Variants in GRID2IP observed in about 807,000 individuals in gnomAD.
The protein encoded by GRID2IP is delphilin.
In GRID2IP, 78 loss-of-function variants were observed where a neutral mutation model predicts 114.3. The ratio of observed to expected loss-of-function variants is 0.68; its 90% confidence interval spans 0.57 to 0.82. The LOEUF is 0.82. Among genes scored for constraint, GRID2IP ranks in the 40% least tolerant of loss-of-function variants. The pLI, the probability that GRID2IP is intolerant of heterozygous loss-of-function variation, is 0.00. For missense variants in GRID2IP, 1,727 were observed against 1,678.5 expected (o/e 1.03, Z -0.51); for synonymous variants, 809 against 724.0 (o/e 1.12, Z -1.89).
At position 6,539,710 on chromosome 7, in the gene GRID2IP, C is replaced by G. The variant is rs748297080; in HGVS notation, c.584+8G>C. 6.5e-7 allele frequency: 1 copy of G among 1,543,118 alleles called. No homozygotes were observed. The highest frequency in any genetic ancestry group is 1.4e-5 in the African/African-American group (1 of 72,914). ...CTGCCTGTCTATCCTGCCCCCTGCC[C>G]GCAGTACCTGAGGTTGTCCAGGAGT... On this transcript the variant is annotated splice_region_variant and intron_variant, in intron 2 of 21. Coordinates refer to ENST00000457091, the MANE Select transcript of GRID2IP (RefSeq NM_001145118.2).
At chr7:6,531,060 G>C in intron 2 of GRID2IP, 1 of 639,876 alleles carries the variant, frequency 1.6e-6, no homozygotes, top group South Asian at 1.7e-5. Flanking sequence ...ACGCGATGGG[G>C]AAGCTACCGA....
At position 6,505,911 on chromosome 7, in the gene GRID2IP, C is replaced by CG. The variant is rs1786569044; in HGVS notation, c.2545-5dup. 1.3e-6 allele frequency: 2 copies of CG among 1,548,428 alleles called. No homozygotes were observed. Among genetic ancestry groups the CG allele is most frequent in the African/African-American group, 2.7e-5 (2 of 72,976 alleles). Reference sequence around the variant, plus strand: ...CGTAGTCAGAGTCTTCCCCGAGCTGCGAGGGAGGATGGGAGGTTCAGAGTA... The same window carrying CG: ...CGTAGTCAGAGTCTTCCCCGAGCTGCGGAGGGAGGATGGGAGGTTCAGAGTA... On this transcript the variant is annotated splice_polypyrimidine_tract_variant and splice_region_variant and intron_variant, in intron 13 of 21. Transcript: ENST00000457091.
intron 7 of GRID2IP, among the ~76,000 whole-genome samples, chr7:6,514,811 G>T (rs913542662): frequency 2.0e-5 from 3 of 152,030 alleles, no homozygotes; most frequent in African/African-American, 7.2e-5. Flanking sequence ...AATTAGTCAG[G>T]TGTGGTGGTG....
intron 2 of GRID2IP, among the ~76,000 whole-genome samples, chr7:6,530,105 C>T (rs1485620288): frequency 6.7e-6 from 1 of 150,308 alleles, no homozygotes; most frequent in East Asian, 2.0e-4. Flanking sequence ...ACTACAGGCG[C>T]ATGCCTTCAC....
chr7:6,526,441 C>G lies in GRID2IP; in HGVS notation c.833+80G>C. ...GCACCCCAGATGCCCAGCCCCGCCC[C>G]TACGCCCTCTCCCCGGGTCTCGGTC... On this transcript the variant is annotated intron_variant, in intron 3 of 21. Coordinates refer to ENST00000457091, the MANE Select transcript of GRID2IP (RefSeq NM_001145118.2). This position sits in a 1 kb window ranked among gnomAD's most constrained non-coding sequence, Gnocchi z 7.6. 2 of 1,486,740 alleles carry G rather than the reference C, an allele frequency of 1.3e-6. No individual in the cohort carries two copies. The highest frequency in any genetic ancestry group is 1.8e-6 in the Non-Finnish European group (2 of 1,116,210). 92.1% of individuals were successfully genotyped at this position (1,486,740 alleles called of 1,614,324 possible).
rs1786455862 is a variant in GRID2IP, at chr7:6,502,842, C to T, written c.3094G>A (p.Asp1032Asn). Reference sequence around the variant, plus strand: ...GTCTTGTTGGTTTTGGGCTGTCCATCGTTGAGATAGTTGCCCATGGCCAAC... The same window carrying T: ...GTCTTGTTGGTTTTGGGCTGTCCATTGTTGAGATAGTTGCCCATGGCCAAC... ...FVLAMGNYLNDGQPKTNKTTG... is the reference protein window; with the variant it reads ...FVLAMGNYLNNGQPKTNKTTG... The change falls in exon 18 of 22, where the codon GAT (aspartate) becomes AAT (asparagine). Residue 1032 changes from aspartate to asparagine, a missense_variant. Coordinates refer to ENST00000457091, the MANE Select transcript of GRID2IP (RefSeq NM_001145118.2). 1.3e-6 allele frequency: 2 copies of T among 1,551,920 alleles called. No homozygotes were observed. The highest frequency in any genetic ancestry group is 2.7e-5 in the African/African-American group (2 of 73,050).
At position 6,497,402 on chromosome 7, in the gene GRID2IP, A is replaced by G. The variant is rs574492323; in HGVS notation, c.*372T>C. The G allele has an allele frequency of 1.1e-5, 2 of 175,178 alleles. No individual in the cohort carries two copies. Among genetic ancestry groups the G allele is most frequent in the East Asian group, 3.1e-4 (2 of 6,482 alleles). The allele number at this position is 175,178 out of a possible 1,614,324, so 10.9% of individuals were successfully genotyped here. A position where few individuals can be genotyped will look rare whatever the true frequency, so the allele number is the denominator to read the frequency against. On this transcript the variant is annotated 3_prime_UTR_variant, in exon 22 of 22. Coordinates refer to ENST00000457091, the MANE Select transcript of GRID2IP (RefSeq NM_001145118.2). ...GGTGTCGGCCCCCTCACAGGGACCCACTAGGAGCAGGATCAGAAAAAAGGT... is the reference window on the plus strand; with the variant it reads ...GGTGTCGGCCCCCTCACAGGGACCCGCTAGGAGCAGGATCAGAAAAAAGGT...
intron 2 of GRID2IP, among the ~76,000 whole-genome samples, chr7:6,530,066 C>G (rs945405781): frequency 6.6e-6 from 1 of 151,804 alleles, no homozygotes; most frequent in Non-Finnish European, 1.5e-5. Context: ...TCATGCCATT[C>G]TCCTGCCTCA....
rs776424201 is a variant in GRID2IP at position 6,551,417 on chromosome 7, G to A, written c.20C>T (p.Pro7Leu). The A allele has an allele frequency of 2.0e-5, 31 of 1,544,454 alleles. 1 individual carries two copies. Among genetic ancestry groups the A allele is most frequent in the South Asian group, 1.6e-4 (13 of 83,308 alleles). The change falls in exon 1 of 22, where the codon CCG (proline) becomes CTG (leucine). Residue 7 changes from proline to leucine, a missense_variant. Pro to Leu is a moderately conservative substitution (Grantham distance 98). Coordinates refer to ENST00000457091, the MANE Select transcript of GRID2IP (RefSeq NM_001145118.2). Reference protein sequence around the residue: MATTATPATNQGWPEDF... With the variant: MATTATLATNQGWPEDF... ...CTCTGGCCAGCCCTGGTTCGTGGCC[G>A]GCGTGGCAGTGGTGGCCATGCACCT... is the stretch of plus-strand genomic sequence containing the variant.
chr7:6,530,435 TTAAA>T (rs942478066), intron 2 of GRID2IP, among the ~76,000 whole-genome samples: 1 of 151,926 alleles, frequency 6.6e-6, no homozygotes, highest in Non-Finnish European at 1.5e-5. Context: ...GGCTGGCTTT[TTAAA>T]TTTTTAGTAG....
chr7:6,544,348 C>T (rs1486369491), intron 1 of GRID2IP, among the ~76,000 whole-genome samples: 1 of 151,572 alleles, frequency 6.6e-6, no homozygotes, highest in East Asian at 2.0e-4. Flanking sequence ...GGCATGATCT[C>T]GGCTCATTGC....
Position 6,508,231 on chromosome 7 carries a change from G to A in GRID2IP, c.2298C>T (p.Asp766=), listed in dbSNP as rs982046532. Residue 766 remains aspartate (D), a synonymous_variant, in exon 13 of 22, where the codon GAC becomes GAT. Transcript: ENST00000457091. This position sits in a 1 kb window ranked among gnomAD's most constrained non-coding sequence, Gnocchi z 5.6. ...CAGAGCTGCGGGAGCTGGGCTTAGC[G>A]TCATGGAAAGGCAGGGGTGGCGGTG... ...PPPPPPLPFH[D]AKPSSRSSDG... The A allele has an allele frequency of 3.2e-5, 45 of 1,395,228 alleles. No homozygotes were observed. Among genetic ancestry groups the A allele is most frequent in the East Asian group, 9.8e-5 (3 of 30,642 alleles). The allele number at this position is 1,395,228 out of a possible 1,614,324, so 86.4% of individuals were successfully genotyped here.
At chr7:6,546,410 A>G (rs1339331954) in intron 1 of GRID2IP, among the ~76,000 whole-genome samples, 1 of 151,322 alleles carries the variant, frequency 6.6e-6, no homozygotes, top group Non-Finnish European at 1.5e-5. Flanking sequence ...CTACTAAAAA[A>G]AATACAAAAT....
chr7:6,526,746 C>T lies in GRID2IP; in HGVS notation c.608G>A (p.Arg203Gln), dbSNP rs1429091679. Reference protein sequence around the residue: ...NLRIFIPKKHRARFDEVVSQG... With the variant: ...NLRIFIPKKHQARFDEVVSQG... Reference sequence around the variant, plus strand: ...AGACACCACCTCGTCGAAGCGCGCCCGGTGCTTCTTGGGGATGAAGATCCT... The same window carrying T: ...AGACACCACCTCGTCGAAGCGCGCCTGGTGCTTCTTGGGGATGAAGATCCT... The change falls in exon 3 of 22, where the codon CGG becomes CAG. Residue 203 changes from arginine to glutamine, a missense_variant. Arg to Gln is a conservative substitution (Grantham distance 43). Transcript: ENST00000457091. The surrounding 1 kb of genome is among the most constrained non-coding windows in gnomAD (Gnocchi z 7.6). 2.0e-6 allele frequency: 3 copies of T among 1,524,308 alleles called. No individual in the cohort carries two copies. The highest frequency in any genetic ancestry group is 2.0e-5 in the Admixed American group (1 of 49,240). The allele number at this position is 1,524,308 out of a possible 1,614,324, so 94.4% of individuals were successfully genotyped here.
chr7:6,531,731 C>G (rs1030540877), intron 2 of GRID2IP, among the ~76,000 whole-genome samples: 2 of 152,166 alleles, frequency 1.3e-5, no homozygotes, highest in Non-Finnish European at 2.9e-5. Context: ...GCAGCTGAGA[C>G]CCCACTCTGG....
chr7:6,523,484 T>C lies in GRID2IP; in HGVS notation c.920-1527A>G, dbSNP rs531114703. On this transcript the variant is annotated intron_variant, in intron 4 of 21. Transcript: ENST00000457091. The surrounding 1 kb of genome is among the most constrained non-coding windows in gnomAD (Gnocchi z 4.5). ...GTTTCCCCATCTGTAAAAGCTTCCA[T>C]CTAAGCATCCATTTGGCTTCCTATG... is the stretch of plus-strand genomic sequence containing the variant. 6.6e-6 allele frequency among the ~76,000 whole-genome samples: 1 copy of C among 152,268 alleles called. No homozygotes were observed. The highest frequency in any genetic ancestry group is 6.5e-5 in the Admixed American group (1 of 15,286).
Position 6,509,088 on chromosome 7 carries a change from T to G in GRID2IP, c.1997A>C (p.Lys666Thr), listed in dbSNP as rs997648976. ...PDPTRPPSRRKLFTFSHPVRS... is the reference protein window; with the variant it reads ...PDPTRPPSRRTLFTFSHPVRS... ...CACAGGGTGGGAGAAGGTGAAGAGC[T>G]TCCTGCGGCTGGGCGGGCGGGTGGG... is the stretch of plus-strand genomic sequence containing the variant. The change falls in exon 12 of 22, where the codon AAG becomes ACG. Residue 666 changes from lysine (K) to threonine (T), a missense_variant. Coordinates refer to ENST00000457091, the MANE Select transcript of GRID2IP (RefSeq NM_001145118.2). The surrounding 1 kb of genome is among the most constrained non-coding windows in gnomAD (Gnocchi z 4.9). 8 of 1,475,388 alleles carry G rather than the reference T, an allele frequency of 5.4e-6. No individual in the cohort carries two copies. In the African/African-American group the frequency reaches 1.1e-4, roughly 21 times the overall value. The allele number at this position is 1,475,388 out of a possible 1,614,324, so 91.4% of individuals were successfully genotyped here.
chr7:6,522,472 C>A (rs907959744), intron 4 of GRID2IP, among the ~76,000 whole-genome samples: 1 of 151,910 alleles, frequency 6.6e-6, no homozygotes, highest in African/African-American at 2.4e-5. Context: ...TGGGATTCCT[C>A]TTTGCTTCAG....
In GRID2IP at chr7:6,521,752, G is replaced by C; in HGVS notation, c.989+136C>G. The C allele has an allele frequency of 1.4e-6, 1 of 708,798 alleles. No homozygotes were observed. The highest frequency in any genetic ancestry group is 2.6e-5 in the Admixed American group (1 of 38,042). The allele number at this position is 708,798 out of a possible 1,614,324, so 43.9% of individuals were successfully genotyped here. A position where few individuals can be genotyped will look rare whatever the true frequency, so the allele number is the denominator to read the frequency against. ...AGGGTTAGATTCAAGAGTTCCCATT[G>C]GAAGAGGGACAGACCCTGGGGACCA... is the stretch of plus-strand genomic sequence containing the variant. On this transcript the variant is annotated intron_variant, in intron 5 of 21. Transcript: ENST00000457091. This position sits in a 1 kb window ranked among gnomAD's most constrained non-coding sequence, Gnocchi z 4.1.
Sources: allele counts gnomAD v4.1 joint callset (sites outside exome capture counted in the v4.1 genomes callset), GRCh38; gene constraint gnomAD v4.1.1; non-coding constraint Gnocchi (gnomAD v3.1); transcripts MANE v1.5; gene names NCBI Gene and HGNC (gene_info 2026-07-23, HGNC 2026-07-21).